CYRIB: variants seen among roughly 807,000 people sequenced by gnomAD.
The protein encoded by CYRIB is CYFIP-related Rac1 interactor B.
A neutral mutation model predicts 44.2 loss-of-function variants in CYRIB; 8 were observed. The ratio of observed to expected loss-of-function variants is 0.18; its 90% confidence interval spans 0.11 to 0.33. CYRIB has a LOEUF of 0.33. CYRIB is among the 10% of genes least tolerant of loss of function. The pLI, the probability that CYRIB is intolerant of heterozygous loss-of-function variation, is 1.00. For missense variants in CYRIB, 185 were observed against 382.8 expected (o/e 0.48, Z 4.31); for synonymous variants, 131 against 127.2 (o/e 1.03, Z -0.20).
chr8:129,867,098 C>T (rs186068993), intron 4 of CYRIB, among the ~76,000 whole-genome samples: 3 of 152,270 alleles, frequency 2.0e-5, no homozygotes, highest in Admixed American at 1.3e-4. Flanking sequence ...AGACCAGTCT[C>T]GGCAACACAG....
intron 4 of CYRIB, among the ~76,000 whole-genome samples, chr8:129,862,718 C>T (rs1056267862): frequency 1.1e-4 from 17 of 152,136 alleles, no homozygotes; most frequent in African/African-American, 4.1e-4. Flanking sequence ...GTGATCCACC[C>T]ACCTTGGCCT....
At chr8:129,983,198 C>T (rs149910566) in intron 1 of CYRIB, among the ~76,000 whole-genome samples, 2 of 152,118 alleles carry the variant, frequency 1.3e-5, no homozygotes, top group Admixed American at 6.5e-5. Context: ...GTAATGCCAG[C>T]ACTTTGGGAG....
chr8:130,010,630 C>T (rs1353668052), intron 1 of CYRIB, among the ~76,000 whole-genome samples: 1 of 152,196 alleles, frequency 6.6e-6, no homozygotes. Context: ...GGTCTCTCTC[C>T]CACCCCTTCC....
At chr8:129,900,290 A>G (rs192263547) in intron 2 of CYRIB, among the ~76,000 whole-genome samples, 1 of 152,326 alleles carries the variant, frequency 6.6e-6, no homozygotes, top group African/African-American at 2.4e-5. Context: ...GATGACATCA[A>G]AAGAATTAAG....
intron 1 of CYRIB, among the ~76,000 whole-genome samples, chr8:129,985,716 G>A (rs2096432906): frequency 6.6e-6 from 1 of 152,102 alleles, no homozygotes; most frequent in Non-Finnish European, 1.5e-5. Flanking sequence ...TCAGGGTACA[G>A]GGCAGCAGGT....
chr8:129,901,984 C>T (rs763622767), intron 2 of CYRIB, among the ~76,000 whole-genome samples: 5 of 152,100 alleles, frequency 3.3e-5, no homozygotes, highest in Non-Finnish European at 7.4e-5. Flanking sequence ...CCTTCTTAAT[C>T]CTATGTAGTT....
At chr8:129,944,581 G>A (rs971574245), upstream of CYRIB, among the ~76,000 whole-genome samples, 6 of 151,984 alleles carry the variant, frequency 3.9e-5, no homozygotes, top group Non-Finnish European at 7.4e-5. Context: ...CCAGGAGTTC[G>A]AGACCAGCCT....
At chr8:129,902,170 CT>C (rs1419580926) in intron 2 of CYRIB, among the ~76,000 whole-genome samples, 1 of 152,088 alleles carries the variant, frequency 6.6e-6, no homozygotes, top group East Asian at 1.9e-4. Flanking sequence ...ATAGAAGTAA[CT>C]GTTGTACCAG....
intron 1 of CYRIB, among the ~76,000 whole-genome samples, chr8:129,920,223 T>C (rs1434187182): frequency 6.6e-6 from 1 of 152,166 alleles, no homozygotes; most frequent in Non-Finnish European, 1.5e-5. Flanking sequence ...TGGTTCTTTC[T>C]TGTCTATCTT....
At chr8:129,942,715 T>C (rs1407483963), upstream of CYRIB, among the ~76,000 whole-genome samples, 3 of 152,244 alleles carry the variant, frequency 2.0e-5, no homozygotes, top group Admixed American at 2.0e-4. Flanking sequence ...TGGCTAGCTG[T>C]ATTTTGTGAG....
At chr8:129,895,779 G>A (rs971634274) in intron 2 of CYRIB, among the ~76,000 whole-genome samples, 1 of 152,120 alleles carries the variant, frequency 6.6e-6, no homozygotes, top group African/African-American at 2.4e-5. Flanking sequence ...TGTTGCCCAG[G>A]CTGGTCTTGA....
chr8:129,862,151 TA>T (rs1564248683), intron 5 of CYRIB, 77 bp downstream of exon 7: 17 of 1,076,704 alleles, frequency 1.6e-5, no homozygotes, highest in South Asian at 1.5e-4. Flanking sequence ...ATTATGAACA[TA>T]AAAAAACTCT....
chr8:130,016,186 ACGG>A, intron 1 of CYRIB, among the ~76,000 whole-genome samples, 181 bp downstream of exon 1: 1 of 144,990 alleles, frequency 6.9e-6, no homozygotes, highest in South Asian at 2.1e-4. Context: ...CGCCCCCACC[ACGG>A]CGGCGCCCCC....
intron 1 of CYRIB, among the ~76,000 whole-genome samples, chr8:129,937,881 T>TTCTCTC (rs35554242): frequency 2.7e-3 from 399 of 147,678 alleles, no homozygotes; most frequent in South Asian, 0.014. Context: ...CAAATACACA[T>TTCTCTC]TCTCTCTCTC....
chr8:129,842,251 T>C, intron 11 of CYRIB, 46 bp from the exon 14 acceptor site: 1 of 1,359,038 alleles, frequency 7.4e-7, no homozygotes, highest in Non-Finnish European at 1.0e-6. Flanking sequence ...ACTTAAAAAA[T>C]AATCAGCATC....
At chr8:129,960,591 G>C (rs1016909445) in intron 2 of CYRIB, among the ~76,000 whole-genome samples, 15 of 148,350 alleles carry the variant, frequency 1.0e-4, no homozygotes, top group African/African-American at 3.7e-4. Context: ...AGGTTGCAGT[G>C]AGCCAAGATC....
chr8:129,894,160 G>A (rs749690828), intron 2 of CYRIB, among the ~76,000 whole-genome samples: 15 of 152,068 alleles, frequency 9.9e-5, no homozygotes, highest in Non-Finnish European at 2.1e-4. Flanking sequence ...ATATACTTAA[G>A]CTCATGTACA....
At chr8:129,904,623 G>C (rs1432822093) in intron 1 of CYRIB, 38 bp from the exon 3 acceptor site, 1 of 152,194 alleles carries the variant, frequency 6.6e-6, no homozygotes, top group Admixed American at 6.5e-5. Context: ...TGCTTTTGGA[G>C]TGAAACTAGG....
intron 1 of CYRIB, among the ~76,000 whole-genome samples, chr8:129,981,853 C>G (rs373926616): frequency 6.6e-6 from 1 of 152,230 alleles, no homozygotes; most frequent in Non-Finnish European, 1.5e-5. Flanking sequence ...GCTGTCCAGA[C>G]AGGTGCCCCC....
Sources: gnomAD v4.1 joint callset for allele counts (sites outside exome capture counted in the v4.1 genomes callset) on GRCh38, gnomAD v4.1.1 for gene constraint, MANE v1.5 for transcripts, NCBI Gene and HGNC (gene_info 2026-07-23, HGNC 2026-07-21) for gene names.